CFAP58: variants seen among roughly 807,000 people sequenced by gnomAD.
CFAP58 encodes the protein cilia and flagella associated protein 58.
Under a neutral mutation model 119.5 loss-of-function variants are expected in CFAP58, and 88 were observed. The observed-to-expected ratio is 0.74, with a 90% CI of 0.62 to 0.88. The LOEUF (loss-of-function observed/expected upper bound fraction) is 0.88, where lower values mean the gene tolerates loss of function less well. Ranked by LOEUF, CFAP58 falls within the 40% of genes least tolerant of loss-of-function variation. The probability of loss-of-function intolerance (pLI) is 0.00; values close to 1 mark genes in which losing one functional copy is unlikely to be tolerated. For missense variants in CFAP58, 990 were observed against 1,021.2 expected (o/e 0.97, Z 0.42); for synonymous variants, 365 against 366.3 (o/e 1.00, Z 0.04).
intron 8 of CFAP58, among the ~76,000 whole-genome samples, chr10:104,379,191 T>C (rs1358524460): frequency 6.6e-6 from 1 of 152,074 alleles, no homozygotes; most frequent in Admixed American, 6.6e-5. Flanking sequence ...CTCCCACCCC[T>C]GGCAACTACG....
chr10:104,448,774 G>C (rs1335640561), intron 16 of CFAP58, among the ~76,000 whole-genome samples: 1 of 152,220 alleles, frequency 6.6e-6, no homozygotes, highest in African/African-American at 2.4e-5. Flanking sequence ...TGAGTATCTT[G>C]AGACATAATT....
At chr10:104,438,497 T>C (rs1178627361) in intron 15 of CFAP58, among the ~76,000 whole-genome samples, 8 of 151,190 alleles carry the variant, frequency 5.3e-5, no homozygotes, top group African/African-American at 1.9e-4. Flanking sequence ...TGCCTCAGCC[T>C]CCCGAGTAGC....
intron 10 of CFAP58, 106 bp downstream of exon 10, chr10:104,392,500 C>G: frequency 1.3e-6 from 1 of 753,898 alleles, no homozygotes; most frequent in Non-Finnish European, 2.0e-6. Context: ...AAAAAAAAAA[C>G]TCATGGAATT....
chr10:104,354,787 A>G (rs1006291204), intron 1 of CFAP58, among the ~76,000 whole-genome samples: 1 of 152,230 alleles, frequency 6.6e-6, no homozygotes. Flanking sequence ...ACAGCAGAGC[A>G]TTCAACCAAG....
At chr10:104,343,591 GA>G in the CFAP58 span, among the ~76,000 whole-genome samples, 9 of 140,470 alleles carry the variant, frequency 6.4e-5, no homozygotes, top group African/African-American at 2.3e-4. Context: ...CATTATAATT[GA>G]AAGACAGTTT....
chr10:104,362,237 C>A, intron 3 of CFAP58, 66 bp downstream of exon 3: 2 of 1,395,438 alleles, frequency 1.4e-6, no homozygotes, highest in Non-Finnish European at 1.9e-6. Context: ...AGTAGACAGC[C>A]TGGGGCTTGC....
At chr10:104,437,521 G>A (rs1275922052) in intron 15 of CFAP58, among the ~76,000 whole-genome samples, 2 of 152,068 alleles carry the variant, frequency 1.3e-5, no homozygotes, top group African/African-American at 4.8e-5. Context: ...TATGATGCAA[G>A]GTAACTGTAA....
rs1279686793 is a variant in CFAP58, at chr10:104,380,100, G to A, written c.1245G>A (p.Arg415=). The A allele has an allele frequency of 1.2e-6, 2 of 1,614,142 alleles. No individual in the cohort carries two copies. The highest frequency in any genetic ancestry group is 1.7e-5 in the Admixed American group (1 of 60,010). ...TAAAGCTCCATGAACAAGCCAAGAG[G>A]AACCTGGAGGGAGAAATCCAGAACT... ...DLVKLHEQAK[R]NLEGEIQNYK... The change falls in exon 9 of 18, where the codon AGG becomes AGA. Residue 415 remains arginine, a synonymous_variant. Coordinates refer to ENST00000369704, the MANE Select transcript of CFAP58 (RefSeq NM_001008723.2).
intron 15 of CFAP58, among the ~76,000 whole-genome samples, chr10:104,409,844 T>A (rs933480104): frequency 1.4e-5 from 2 of 139,624 alleles, no homozygotes; most frequent in African/African-American, 5.6e-5. Context: ...GAATATCTCT[T>A]GTAATTAAAA....
At chr10:104,365,010 C>A in intron 4 of CFAP58, 121 bp downstream of exon 4, 1 of 907,884 alleles carries the variant, frequency 1.1e-6, no homozygotes. Context: ...AATGAAACAT[C>A]CTCAGTTCTG....
At chr10:104,438,471 G>C (rs924717816) in intron 15 of CFAP58, among the ~76,000 whole-genome samples, 8 of 150,228 alleles carry the variant, frequency 5.3e-5, no homozygotes, top group African/African-American at 2.0e-4. Context: ...CGCTTCCCGG[G>C]TTCACGCCAT....
In CFAP58 at chr10:104,358,338, T is replaced by C. The variant is rs745588630; in HGVS notation, c.10-3T>C. The C allele has an allele frequency of 1.9e-6, 3 of 1,604,480 alleles. No individual in the cohort carries two copies. The highest frequency in any genetic ancestry group is 2.2e-5 in the East Asian group (1 of 44,732). On this transcript the variant is annotated splice_polypyrimidine_tract_variant and splice_region_variant and intron_variant, in intron 1 of 17. Transcript: ENST00000369704. Reference sequence around the variant, plus strand: ...CTTTCCCATCCCTGCTTTTTTTCTATAGGAAAAGGGTGGAAAGCAAGTCCT... The same window carrying C: ...CTTTCCCATCCCTGCTTTTTTTCTACAGGAAAAGGGTGGAAAGCAAGTCCT...
intron 7 of CFAP58, among the ~76,000 whole-genome samples, chr10:104,375,791 G>GA (rs1408720306): frequency 6.6e-6 from 1 of 151,464 alleles, no homozygotes; most frequent in Non-Finnish European, 1.5e-5. Flanking sequence ...GATGGGGTCG[G>GA]GGGGGGCTTC....
At chr10:104,349,923 A>C (rs927869446), upstream of CFAP58, among the ~76,000 whole-genome samples, 6 of 152,226 alleles carry the variant, frequency 3.9e-5, no homozygotes, top group Admixed American at 3.3e-4. Flanking sequence ...AGGCAGTGGG[A>C]AAGAGCATGG....
chr10:104,413,267 G>A (rs944160967), intron 15 of CFAP58, among the ~76,000 whole-genome samples: 1 of 152,130 alleles, frequency 6.6e-6, no homozygotes. Flanking sequence ...AATTTACTGT[G>A]GGTTTATGGA....
At chr10:104,347,237 T>C in the CFAP58 span, among the ~76,000 whole-genome samples, 1 of 152,080 alleles carries the variant, frequency 6.6e-6, no homozygotes, top group Non-Finnish European at 1.5e-5. Flanking sequence ...GTGCCTGACC[T>C]TTCAGTCTTC....
chr10:104,351,233 G>C (rs2014455844), upstream of CFAP58, among the ~76,000 whole-genome samples: 1 of 152,160 alleles, frequency 6.6e-6, no homozygotes, highest in Non-Finnish European at 1.5e-5. Context: ...TTATGACTCA[G>C]CCACATTTCC....
intron 5 of CFAP58, among the ~76,000 whole-genome samples, 151 bp from the exon 6 acceptor site, chr10:104,368,256 ATTTGAGTGCGTTAGTG>A: frequency 6.6e-6 from 1 of 152,224 alleles, no homozygotes; most frequent in East Asian, 1.9e-4. Context: ...CATTCATCAT[ATTTGAGTGCGTTAGTG>A]CTTTCATCGG....
intron 15 of CFAP58, among the ~76,000 whole-genome samples, chr10:104,438,363 T>G (rs1478700753): frequency 1.6e-5 from 2 of 127,708 alleles, no homozygotes; most frequent in African/African-American, 7.4e-5. Context: ...TTTTTTTTGT[T>G]TTTTTTTTTT....
Sources: allele counts gnomAD v4.1 joint callset (sites outside exome capture counted in the v4.1 genomes callset), GRCh38; gene constraint gnomAD v4.1.1; transcripts MANE v1.5; gene names NCBI Gene and HGNC (gene_info 2026-07-23, HGNC 2026-07-21).